The following PRRX1 variants were observed in gnomAD, a reference collection of about 807,000 sequenced individuals.
PRRX1 encodes the protein paired mesoderm homeobox protein 1.
In PRRX1, 8 loss-of-function variants were observed where a neutral mutation model predicts 24.0. The ratio of observed to expected loss-of-function variants is 0.33; its 90% confidence interval spans 0.20 to 0.60. The LOEUF (loss-of-function observed/expected upper bound fraction) is 0.60, where lower values mean the gene tolerates loss of function less well. Ranked by LOEUF, PRRX1 falls within the 20% of genes least tolerant of loss-of-function variation. The pLI, the probability that PRRX1 is intolerant of heterozygous loss-of-function variation, is 0.82. For missense variants in PRRX1, 281 were observed against 322.4 expected (o/e 0.87, Z 0.98); for synonymous variants, 160 against 131.7 (o/e 1.22, Z -1.47).
At chr1:170,692,950 A>G (rs1166902250) in intron 1 of PRRX1, among the ~76,000 whole-genome samples, 1 of 152,106 alleles carries the variant, frequency 6.6e-6, no homozygotes, top group African/African-American at 2.4e-5. Flanking sequence ...ATTGCTTTTC[A>G]TCATGAAGTG....
intron 1 of PRRX1, among the ~76,000 whole-genome samples, chr1:170,670,255 A>G (rs1055155475): frequency 1.3e-5 from 2 of 152,148 alleles, no homozygotes; most frequent in African/African-American, 2.4e-5. Flanking sequence ...TTACAGCAAT[A>G]TATTAATAAA....
chr1:170,731,571 A>G (rs1655438662), intron 3 of PRRX1, among the ~76,000 whole-genome samples: 1 of 152,212 alleles, frequency 6.6e-6, no homozygotes, highest in South Asian at 2.1e-4. Context: ...CTGGCTTTAA[A>G]ATCGTAGTAC....
At chr1:170,717,030 C>T (rs1043920254) in intron 1 of PRRX1, among the ~76,000 whole-genome samples, 1 of 152,212 alleles carries the variant, frequency 6.6e-6, no homozygotes, top group Non-Finnish European at 1.5e-5. Flanking sequence ...CTCTGTTGCC[C>T]GCTCATCGTC....
At chr1:170,733,809 A>G (rs1655519228) in intron 3 of PRRX1, among the ~76,000 whole-genome samples, 1 of 152,124 alleles carries the variant, frequency 6.6e-6, no homozygotes. Context: ...AATTTTTTGA[A>G]TATAGGTTTT....
At chr1:170,694,306 C>G (rs1045089026) in intron 1 of PRRX1, among the ~76,000 whole-genome samples, 1 of 152,082 alleles carries the variant, frequency 6.6e-6, no homozygotes, top group Non-Finnish European at 1.5e-5. Context: ...CAAACCAAAC[C>G]TATTCTGGGA....
rs1206586895 is a variant in PRRX1, at chr1:170,738,428, AT to A, written c.*2244del. On this transcript the variant is annotated 3_prime_UTR_variant, in exon 4 of 4. Coordinates refer to ENST00000239461, the MANE Select transcript of PRRX1 (RefSeq NM_022716.4). ...TGATTCCTTCTTCTTTTAGCCCACTATTAAAACATTTCTTACTGAATGGTTC... is the reference window on the plus strand; with the variant it reads ...TGATTCCTTCTTCTTTTAGCCCACTATAAAACATTTCTTACTGAATGGTTC... 4.4e-6 allele frequency: 1 copy of A among 227,142 alleles called. No individual in the cohort carries two copies. The highest frequency in any genetic ancestry group is 8.7e-6 in the Non-Finnish European group (1 of 114,328). 14.1% of individuals were successfully genotyped at this position (227,142 alleles called of 1,614,324 possible).
intron 1 of PRRX1, among the ~76,000 whole-genome samples, chr1:170,692,076 C>T (rs1192380686): frequency 6.6e-6 from 1 of 152,000 alleles, no homozygotes; most frequent in Non-Finnish European, 1.5e-5. Flanking sequence ...TAGATATACA[C>T]ATAAATATAA....
chr1:170,688,086 T>C (rs1293613508), intron 1 of PRRX1, among the ~76,000 whole-genome samples: 1 of 152,232 alleles, frequency 6.6e-6, no homozygotes, highest in Non-Finnish European at 1.5e-5. Flanking sequence ...TCACTTGCTA[T>C]GTGACCTCTA....
intron 3 of PRRX1, among the ~76,000 whole-genome samples, chr1:170,731,526 T>G (rs144152939): frequency 6.6e-6 from 1 of 152,322 alleles, no homozygotes; most frequent in Non-Finnish European, 1.5e-5. Context: ...ACTATAGGTG[T>G]TTAGAAAGCA....
intron 2 of PRRX1, chr1:170,722,751 T>C (rs985323926): frequency 6.6e-6 from 1 of 152,168 alleles, no homozygotes; most frequent in Non-Finnish European, 1.5e-5. Flanking sequence ...ATCTTGAAAG[T>C]AGTGTAGCCA....
intron 1 of PRRX1, among the ~76,000 whole-genome samples, chr1:170,699,575 T>A (rs897361742): frequency 3.9e-5 from 6 of 151,904 alleles, no homozygotes; most frequent in African/African-American, 1.5e-4. Flanking sequence ...GAAGGGAAAA[T>A]TATAGTAAAA....
intron 1 of PRRX1, among the ~76,000 whole-genome samples, chr1:170,686,758 T>C (rs980470612): frequency 6.6e-6 from 1 of 152,162 alleles, no homozygotes; most frequent in African/African-American, 2.4e-5. Context: ...TCTCTCTAAC[T>C]TGCACACTCC....
chr1:170,696,427 T>C (rs780781693), intron 1 of PRRX1, among the ~76,000 whole-genome samples: 2 of 152,134 alleles, frequency 1.3e-5, no homozygotes, highest in Non-Finnish European at 2.9e-5. Context: ...AAAGATAACA[T>C]AAGGTGCAGC....
upstream of PRRX1, chr1:170,664,107 C>CT (rs1553250934): frequency 2.8e-4 from 301 of 1,090,538 alleles, no homozygotes; most frequent in Non-Finnish European, 3.4e-4. Flanking sequence ...CTCTCTCTCT[C>CT]CACTACCCCC....
At chr1:170,678,535 A>G (rs1653395680) in intron 1 of PRRX1, among the ~76,000 whole-genome samples, 7 of 152,240 alleles carry the variant, frequency 4.6e-5, no homozygotes, top group Admixed American at 4.6e-4. Flanking sequence ...TTAGGAGCAC[A>G]GCTCTCTTGG....
chr1:170,691,738 C>T (rs572820478), intron 1 of PRRX1, among the ~76,000 whole-genome samples: 2 of 151,662 alleles, frequency 1.3e-5, no homozygotes, highest in Non-Finnish European at 2.9e-5. Flanking sequence ...CTCTTCTACT[C>T]TTATGTGTTG....
chr1:170,726,446 C>G (rs1391829318), intron 3 of PRRX1, 45 bp downstream of exon 3: 1 of 1,593,780 alleles, frequency 6.3e-7, no homozygotes, highest in Non-Finnish European at 8.6e-7. Flanking sequence ...CCACATGTTT[C>G]TCAGCGGTCG....
chr1:170,709,792 C>T (rs993848335), intron 1 of PRRX1, among the ~76,000 whole-genome samples: 25 of 152,042 alleles, frequency 1.6e-4, no homozygotes, highest in Non-Finnish European at 2.1e-4. Flanking sequence ...TTGAATGTAA[C>T]CATTGTTAGT....
intron 3 of PRRX1, chr1:170,727,660 T>A (rs889165763): frequency 1.2e-4 from 18 of 152,344 alleles, no homozygotes; most frequent in African/African-American, 4.3e-4. Context: ...TAGAGAAACA[T>A]GGTAAATGCA....
Sources: allele counts gnomAD v4.1 joint callset (sites outside exome capture counted in the v4.1 genomes callset), GRCh38; gene constraint gnomAD v4.1.1; transcripts MANE v1.5; gene names NCBI Gene and HGNC (gene_info 2026-07-23, HGNC 2026-07-21).